CD58: variants seen among roughly 807,000 people sequenced by gnomAD.
CD58 encodes the protein lymphocyte function-associated antigen 3.
Under a neutral mutation model 27.6 loss-of-function variants are expected in CD58, and 14 were observed. The ratio of observed to expected loss-of-function variants is 0.51; its 90% CI spans 0.34 to 0.79. CD58 has a LOEUF of 0.79. CD58 is among the 30% of genes least tolerant of loss of function. The pLI is 0.02. For synonymous variants in CD58, 117 were observed against 103.8 expected (o/e 1.13, Z -0.77); for missense variants, 268 against 301.7 (o/e 0.89, Z 0.83).
At chr1:116,555,542 TTTTTG>T (rs1467384503) in intron 1 of CD58, among the ~76,000 whole-genome samples, 3 of 152,206 alleles carry the variant, frequency 2.0e-5, no homozygotes, top group African/African-American at 7.2e-5. Context: ...TTTGAAGGTT[TTTTTG>T]TTTTGAAGAA....
intron 1 of CD58, among the ~76,000 whole-genome samples, chr1:116,565,534 G>A (rs1220630715): frequency 6.6e-6 from 1 of 152,108 alleles, no homozygotes; most frequent in Non-Finnish European, 1.5e-5. Context: ...GCCACCCTAT[G>A]AGGGACTGTA....
intron 1 of CD58, among the ~76,000 whole-genome samples, chr1:116,564,550 G>A (rs1658869675): frequency 6.6e-6 from 1 of 152,196 alleles, no homozygotes; most frequent in Non-Finnish European, 1.5e-5. Flanking sequence ...TGGCCAGGGA[G>A]GCCCCACAAT....
chr1:116,569,726 C>A (rs77760557), intron 1 of CD58, among the ~76,000 whole-genome samples: 1 of 151,850 alleles, frequency 6.6e-6, no homozygotes, highest in Non-Finnish European at 1.5e-5. Flanking sequence ...CTCAGCCTTC[C>A]GAGTAGCTGG....
chr1:116,569,693 C>T (rs796279451), intron 1 of CD58, among the ~76,000 whole-genome samples: 22 of 151,492 alleles, frequency 1.5e-4, no homozygotes, highest in African/African-American at 5.1e-4. Flanking sequence ...CCTCTGCCTC[C>T]GGGACTCAGG....
Position 116,517,926 on chromosome 1 carries a change from T to C in CD58, c.743+1305A>G, listed in dbSNP as rs1435762117. Reference sequence around the variant, plus strand: ...CCAAGATTCCTGTGTGACTCCTCTGTGACACTTGGTCCTGTCGCTTTTATT... The same window carrying C: ...CCAAGATTCCTGTGTGACTCCTCTGCGACACTTGGTCCTGTCGCTTTTATT... On this transcript the variant is annotated intron_variant, in intron 5 of 5. Transcript: ENST00000369489. The surrounding 1 kb of genome is among the most constrained non-coding windows in gnomAD (Gnocchi z 6.5). 6.6e-6 allele frequency among the ~76,000 whole-genome samples: 1 copy of C among 152,242 alleles called. No homozygotes were observed. The highest frequency in any genetic ancestry group is 2.4e-5 in the African/African-American group (1 of 41,452).
intron 3 of CD58, among the ~76,000 whole-genome samples, chr1:116,525,493 C>T (rs956329317): frequency 1.3e-5 from 2 of 152,180 alleles, no homozygotes; most frequent in African/African-American, 4.8e-5. Flanking sequence ...ATGCTATAAC[C>T]ATCCATGTGA....
At chr1:116,564,975 T>C (rs570454098) in intron 1 of CD58, among the ~76,000 whole-genome samples, 1 of 152,308 alleles carries the variant, frequency 6.6e-6, no homozygotes, top group Admixed American at 6.5e-5. Flanking sequence ...TATCCACATG[T>C]CATTCCACTA....
At chr1:116,535,658 G>A (rs1277786492) in intron 3 of CD58, among the ~76,000 whole-genome samples, 3 of 105,536 alleles carry the variant, frequency 2.8e-5, no homozygotes, top group Non-Finnish European at 5.3e-5. Context: ...TGGCTAACAC[G>A]GTGAAACCCC....
chr1:116,519,031 A>G lies in CD58; in HGVS notation c.743+200T>C. 8.1e-7 allele frequency: 1 copy of G among 1,232,658 alleles called. No individual in the cohort carries two copies. Among genetic ancestry groups the G allele is most frequent in the Non-Finnish European group, 1.1e-6 (1 of 916,180 alleles). 76.4% of individuals were successfully genotyped at this position (1,232,658 alleles called of 1,614,324 possible). A position where few individuals can be genotyped will look rare whatever the true frequency, so the allele number is the denominator to read the frequency against. On this transcript the variant is annotated intron_variant, in intron 5 of 5. Transcript: ENST00000369489. This position sits in a 1 kb window ranked among gnomAD's most constrained non-coding sequence, Gnocchi z 4.7. ...CTCATTGAGAGGGTTCCAGGAAACG[A>G]TATGCAGAGAGTGGCTAGTGCAGTG...
Position 116,570,482 on chromosome 1 carries a change from CG to C in CD58, c.70+420del, listed in dbSNP as rs1186840513. ...CGGGGAGGGCAGCAGGCGTCGCCCT[CG>C]AGCAGGTGGCATCCGCGCCCGCTCC... On this transcript the variant is annotated intron_variant, in intron 1 of 5. Coordinates refer to ENST00000369489, the MANE Select transcript of CD58 (RefSeq NM_001779.3). The surrounding 1 kb of genome is among the most constrained non-coding windows in gnomAD (Gnocchi z 6.4). Among the ~76,000 whole-genome samples, 1 of 152,026 alleles carries C rather than the reference CG, an allele frequency of 6.6e-6. No individual in the cohort carries two copies. The highest frequency in any genetic ancestry group is 1.5e-5 in the Non-Finnish European group (1 of 67,990).
intron 2 of CD58, among the ~76,000 whole-genome samples, chr1:116,537,864 C>T (rs181403113): frequency 8.1e-4 from 123 of 152,192 alleles, no homozygotes; most frequent in African/African-American, 2.6e-3. Flanking sequence ...AGTATTGATA[C>T]ATTATAAACG....
intron 1 of CD58, among the ~76,000 whole-genome samples, chr1:116,561,285 C>T (rs1402269101): frequency 1.3e-5 from 2 of 152,078 alleles, no homozygotes; most frequent in African/African-American, 4.8e-5. Flanking sequence ...ATGAGTGAAA[C>T]TTGATTAGAT....
At chr1:116,565,050 C>T (rs1468390899) in intron 1 of CD58, among the ~76,000 whole-genome samples, 2 of 152,210 alleles carry the variant, frequency 1.3e-5, no homozygotes, top group Non-Finnish European at 1.5e-5. Flanking sequence ...CTCCCACCCC[C>T]AGTGATTCCT....
chr1:116,541,768 C>T lies in CD58; in HGVS notation c.364+2543G>A, dbSNP rs151121136. ...CAGTCAGGTATACACATAAGGAGCT[C>T]GGCGGGGTACTCTGGGCTAGAGCTC... On this transcript the variant is annotated intron_variant, in intron 2 of 5. Coordinates refer to ENST00000369489, the MANE Select transcript of CD58 (RefSeq NM_001779.3). This position sits in a 1 kb window ranked among gnomAD's most constrained non-coding sequence, Gnocchi z 5.3. Among the ~76,000 whole-genome samples, 5 of 152,192 alleles carry T rather than the reference C, an allele frequency of 3.3e-5. No individual in the cohort carries two copies. The highest frequency in any genetic ancestry group is 7.2e-5 in the African/African-American group (3 of 41,512).
intron 1 of CD58, among the ~76,000 whole-genome samples, chr1:116,561,392 AG>A (rs1658745335): frequency 6.6e-6 from 1 of 152,204 alleles, no homozygotes; most frequent in Non-Finnish European, 1.5e-5. Context: ...TAATATTTAT[AG>A]ATGTTATGAT....
intron 1 of CD58, among the ~76,000 whole-genome samples, chr1:116,548,333 T>C (rs903012566): frequency 7.1e-5 from 10 of 141,540 alleles, no homozygotes; most frequent in African/African-American, 1.9e-4. Flanking sequence ...TTTGTTTTTG[T>C]TGCATTTGTT....
chr1:116,530,405 C>T lies in CD58; in HGVS notation c.628+5560G>A, dbSNP rs530475001. ...TATTTTTAGTACAGACGGGGTTTCA[C>T]CGTGTTAGCCAGGATGGTCTTGATC... On this transcript the variant is annotated intron_variant, in intron 3 of 5. Coordinates refer to ENST00000369489, the MANE Select transcript of CD58 (RefSeq NM_001779.3). Among the ~76,000 whole-genome samples, 6 of 152,242 alleles carry T rather than the reference C, an allele frequency of 3.9e-5. 1 individual carries two copies. In the South Asian group the frequency reaches 1.2e-3, roughly 32 times the overall value.
intron 1 of CD58, among the ~76,000 whole-genome samples, chr1:116,565,331 A>C (rs1658894626): frequency 6.6e-6 from 1 of 152,230 alleles, no homozygotes; most frequent in Non-Finnish European, 1.5e-5. Context: ...GTATCCTTGA[A>C]GTTTCTTAAA....
chr1:116,549,021 T>C (rs1410618644), intron 1 of CD58, among the ~76,000 whole-genome samples: 5 of 152,182 alleles, frequency 3.3e-5, no homozygotes, highest in Non-Finnish European at 7.3e-5. Flanking sequence ...AGAACACACA[T>C]TGTCTGACTC....
Sources: allele counts gnomAD v4.1 joint callset (sites outside exome capture counted in the v4.1 genomes callset), GRCh38; gene constraint gnomAD v4.1.1; non-coding constraint Gnocchi (gnomAD v3.1); transcripts MANE v1.5; gene names NCBI Gene and HGNC (gene_info 2026-07-23, HGNC 2026-07-21).